The following ZBTB16 variants were observed in gnomAD, a reference collection of about 807,000 sequenced individuals.
ZBTB16 encodes zinc finger and BTB domain containing 16.
ZBTB16 carries 8 observed loss-of-function variants against 56.8 expected under a neutral mutation model. The observed-to-expected ratio is 0.14, with a 90% CI of 0.08 to 0.25. The LOEUF is 0.25. Ranked by LOEUF, ZBTB16 falls within the 10% of genes least tolerant of loss-of-function variation. The probability of loss-of-function intolerance (pLI) is 1.00; values close to 1 mark genes in which losing one functional copy is unlikely to be tolerated. For synonymous variants in ZBTB16, 363 were observed against 368.5 expected (o/e 0.98, Z 0.17); for missense variants, 625 against 903.0 (o/e 0.69, Z 3.95).
At chr11:114,175,707 A>G (rs663516) in intron 3 of ZBTB16, among the ~76,000 whole-genome samples, 61,262 of 151,900 alleles carry the variant, frequency 0.4, 13,888 homozygotes, top group African/African-American at 0.62. Context: ...GGGAAATGAG[A>G]GAGGCAGGGA....
chr11:114,081,133 T>G (rs983584100), intron 2 of ZBTB16, among the ~76,000 whole-genome samples: 1 of 152,200 alleles, frequency 6.6e-6, no homozygotes, highest in Non-Finnish European at 1.5e-5. Flanking sequence ...CCCAGGTCTG[T>G]TCTCTGCTTC....
chr11:114,241,813 C>T (rs533746735), intron 4 of ZBTB16, among the ~76,000 whole-genome samples: 63 of 152,316 alleles, frequency 4.1e-4, no homozygotes, highest in African/African-American at 1.4e-3. Flanking sequence ...TTGCCTCCCC[C>T]ACTTTTTGCC....
chr11:114,249,658 G>C lies in ZBTB16; in HGVS notation c.1793-668G>C, dbSNP rs1229668852. On this transcript the variant is annotated intron_variant, in intron 6 of 6. Coordinates refer to ENST00000335953, the MANE Select transcript of ZBTB16 (RefSeq NM_006006.6). The stretch of plus-strand genomic sequence containing the variant: ...CAGGCGCCTGTAGTCCCAGCTACTC[G>C]GGAGGCTGAGGCAGGAGAATGGCGT... Among the ~76,000 whole-genome samples the C allele has an allele frequency of 2.5e-4, 36 of 146,230 alleles. 1 individual carries two copies. Among genetic ancestry groups the C allele is most frequent in the African/African-American group, 9.2e-4 (36 of 38,950 alleles).
chr11:114,175,542 C>T (rs181784806), intron 3 of ZBTB16, among the ~76,000 whole-genome samples: 1 of 152,050 alleles, frequency 6.6e-6, no homozygotes, highest in African/African-American at 2.4e-5. Context: ...ACGCAACCTC[C>T]TCTCCCGGGT....
chr11:114,118,571 CCTAT>C (rs1381477842), intron 2 of ZBTB16, among the ~76,000 whole-genome samples: 1 of 152,048 alleles, frequency 6.6e-6, no homozygotes, highest in Non-Finnish European at 1.5e-5. Context: ...AATTTATTTA[CCTAT>C]CTATCAGTCA....
intron 2 of ZBTB16, among the ~76,000 whole-genome samples, chr11:114,091,853 G>A (rs1940205121): frequency 6.6e-6 from 1 of 152,008 alleles, no homozygotes; most frequent in Admixed American, 6.6e-5. Flanking sequence ...AGCCGGTCAA[G>A]CAGTGGTATT....
At chr11:114,151,962 G>T (rs1034825256) in intron 2 of ZBTB16, among the ~76,000 whole-genome samples, 1 of 152,178 alleles carries the variant, frequency 6.6e-6, no homozygotes, top group African/African-American at 2.4e-5. Flanking sequence ...AGGTAGGCTA[G>T]GTTGATAAAG....
rs1020690450 is a variant in ZBTB16 at position 114,061,022 on chromosome 11, G to A, written c.-91+1140G>A. Among the ~76,000 whole-genome samples the A allele has an allele frequency of 2.0e-5, 3 of 152,152 alleles. No homozygotes were observed. In the East Asian group the frequency reaches 5.8e-4, roughly 29 times the overall value. On this transcript the variant is annotated intron_variant, in intron 1 of 6. Coordinates refer to ENST00000335953, the MANE Select transcript of ZBTB16 (RefSeq NM_006006.6). Reference sequence around the variant, plus strand: ...GCCCGGACTGTCGCCGTTCCTCCCCGTCTCTTTCGCTTTCCCTCGTCCCTA... The same window carrying A: ...GCCCGGACTGTCGCCGTTCCTCCCCATCTCTTTCGCTTTCCCTCGTCCCTA...
intron 2 of ZBTB16, among the ~76,000 whole-genome samples, chr11:114,132,157 A>G (rs1941679746): frequency 6.6e-6 from 1 of 152,116 alleles, no homozygotes; most frequent in African/African-American, 2.4e-5. Context: ...CCTATTAGGT[A>G]TAGGTATAGG....
At chr11:114,160,600 G>A (rs1339987461) in intron 3 of ZBTB16, among the ~76,000 whole-genome samples, 1 of 152,218 alleles carries the variant, frequency 6.6e-6, no homozygotes, top group East Asian at 1.9e-4. Context: ...AGGCCCTTCT[G>A]AGAGACAGTG....
In ZBTB16 at chr11:114,254,553, C is replaced by T. The variant is rs565084296; in HGVS notation, c.*3998C>T. 1.3e-3 allele frequency among the ~76,000 whole-genome samples: 193 copies of T among 152,252 alleles called. 1 individual carries two copies. The highest frequency in any genetic ancestry group is 4.1e-3 in the African/African-American group (170 of 41,530). On this transcript the variant is annotated 3_prime_UTR_variant, in exon 7 of 7. Transcript: ENST00000335953. Reference sequence around the variant, plus strand: ...GGCAGCCTTTCGACTCTGTCCATGACGGCTGGCAGGGTCAGGGTAGTTTCT... The same window carrying T: ...GGCAGCCTTTCGACTCTGTCCATGATGGCTGGCAGGGTCAGGGTAGTTTCT...
At chr11:114,084,937 G>A (rs796887574) in intron 2 of ZBTB16, among the ~76,000 whole-genome samples, 2 of 152,166 alleles carry the variant, frequency 1.3e-5, no homozygotes, top group African/African-American at 4.8e-5. Flanking sequence ...CAGAGTCTAG[G>A]GGACCTGTGG....
At chr11:114,097,644 T>A (rs1348535555) in intron 2 of ZBTB16, among the ~76,000 whole-genome samples, 1 of 152,216 alleles carries the variant, frequency 6.6e-6, no homozygotes, top group African/African-American at 2.4e-5. Context: ...AGCGTTGCCC[T>A]TTAACTATCA....
chr11:114,160,456 C>T (rs190611629), intron 3 of ZBTB16, among the ~76,000 whole-genome samples: 2 of 152,276 alleles, frequency 1.3e-5, no homozygotes, highest in East Asian at 3.9e-4. Context: ...TTCCCTATCA[C>T]GCGAAATCAG....
At chr11:114,161,174 G>A (rs1591731370) in intron 3 of ZBTB16, among the ~76,000 whole-genome samples, 2 of 152,280 alleles carry the variant, frequency 1.3e-5, no homozygotes, top group East Asian at 1.9e-4. Flanking sequence ...TCTGAGATGG[G>A]CCAGTGTAAG....
intron 4 of ZBTB16, among the ~76,000 whole-genome samples, chr11:114,233,055 GCACATACGCATGCGCGCGCGCGCGCGCA>G (rs1273704747): frequency 4.0e-5 from 4 of 99,242 alleles, no homozygotes; most frequent in African/African-American, 1.3e-4. Flanking sequence ...CCACTCTACT[GCACATACGCATGCGCGCGCGCGCGCGCA>G]CACACACACA....
intron 1 of ZBTB16, among the ~76,000 whole-genome samples, chr11:114,062,104 CTTTTT>C (rs35612820): frequency 7.0e-6 from 1 of 143,778 alleles, no homozygotes; most frequent in Non-Finnish European, 1.5e-5. Flanking sequence ...CACACACACA[CTTTTT>C]TTTTTTTTTC....
At chr11:114,238,271 G>T (rs1944634788) in intron 4 of ZBTB16, among the ~76,000 whole-genome samples, 2 of 152,200 alleles carry the variant, frequency 1.3e-5, no homozygotes, top group South Asian at 4.1e-4. Context: ...AGAGTCACTG[G>T]CTTCAAACAC....
intron 2 of ZBTB16, among the ~76,000 whole-genome samples, chr11:114,144,787 C>T (rs1021036659): frequency 1.3e-5 from 2 of 152,254 alleles, no homozygotes; most frequent in Non-Finnish European, 2.9e-5. Flanking sequence ...AATCATGTTT[C>T]CCTCACTGTT....
Sources: allele counts gnomAD v4.1 joint callset (sites outside exome capture counted in the v4.1 genomes callset), GRCh38; gene constraint gnomAD v4.1.1; transcripts MANE v1.5; gene names NCBI Gene and HGNC (gene_info 2026-07-23, HGNC 2026-07-21).